PRPF18: variants seen among roughly 807,000 people sequenced by gnomAD.
PRPF18 encodes pre-mRNA-splicing factor 18.
Under a neutral mutation model 46.5 loss-of-function variants are expected in PRPF18, and 38 were observed. The ratio of observed to expected loss-of-function variants is 0.82; its 90% CI spans 0.63 to 1.07. The LOEUF is 1.07. PRPF18 is among the 50% of genes least tolerant of loss of function. The pLI is 0.00. For missense variants in PRPF18, 263 were observed against 410.0 expected (o/e 0.64, Z 3.10); for synonymous variants, 152 against 146.7 (o/e 1.04, Z -0.26).
intron 1 of PRPF18, among the ~76,000 whole-genome samples, chr10:13,592,485 C>A (rs773564217): frequency 4.6e-5 from 7 of 152,194 alleles, no homozygotes; most frequent in Non-Finnish European, 7.3e-5. Flanking sequence ...TTGGTCATTT[C>A]AAGTGGTGTC....
intron 2 of PRPF18, among the ~76,000 whole-genome samples, chr10:13,598,223 T>G (rs1051762618): frequency 5.3e-5 from 8 of 152,152 alleles, no homozygotes; most frequent in African/African-American, 1.9e-4. Context: ...GTGGTTTTAT[T>G]GGGAGGGGTT....
intron 6 of PRPF18, among the ~76,000 whole-genome samples, chr10:13,612,648 T>TA (rs1292859007): frequency 9.2e-4 from 136 of 147,506 alleles, no homozygotes; most frequent in Non-Finnish European, 1.6e-3. Flanking sequence ...TTTTTTTTTT[T>TA]AAGCAAAAGT....
chr10:13,653,940 A>ACTG, the PRPF18 span: 1 of 190,296 alleles, frequency 5.3e-6, no homozygotes, highest in African/African-American at 2.8e-5. Flanking sequence ...GTGTGTTGAG[A>ACTG]AAGAGCAAGT....
chr10:13,638,711 G>T, the PRPF18 span: 9 of 152,108 alleles, frequency 5.9e-5, no homozygotes, highest in African/African-American at 2.2e-4. Flanking sequence ...GCCACCAGTG[G>T]ATTGAATGAT....
chr10:13,626,803 A>T (rs11258482), intron 9 of PRPF18, among the ~76,000 whole-genome samples: 12,189 of 149,774 alleles, frequency 0.081, 540 homozygotes, highest in African/African-American at 0.11. Context: ...GAATCGTGTG[A>T]TTTTTTTTTT....
intron 9 of PRPF18, among the ~76,000 whole-genome samples, chr10:13,619,195 G>A (rs1432069769): frequency 1.3e-5 from 2 of 152,192 alleles, no homozygotes; most frequent in South Asian, 2.1e-4. Context: ...GACTGGCCAC[G>A]GACTAGTGCT....
chr10:13,604,397 G>C (rs2080156571), intron 3 of PRPF18, among the ~76,000 whole-genome samples: 2 of 152,110 alleles, frequency 1.3e-5, no homozygotes, highest in South Asian at 4.1e-4. Context: ...AACCATGTTA[G>C]GGCAATATAT....
chr10:13,654,265 G>C, the PRPF18 span: 2 of 665,408 alleles, frequency 3.0e-6, no homozygotes, highest in Non-Finnish European at 2.7e-6. Flanking sequence ...AGAGGTGACA[G>C]CAGATCATGG....
intron 1 of PRPF18, among the ~76,000 whole-genome samples, chr10:13,588,406 C>CAAAAA (rs79679505): frequency 7.8e-5 from 10 of 128,314 alleles, no homozygotes; most frequent in African/African-American, 2.9e-4. Flanking sequence ...GACACCGTCT[C>CAAAAA]AAAAAAAAAA....
At chr10:13,598,558 C>A (rs970961620) in intron 2 of PRPF18, among the ~76,000 whole-genome samples, 1 of 151,906 alleles carries the variant, frequency 6.6e-6, no homozygotes, top group Non-Finnish European at 1.5e-5. Context: ...TCAAAAGATA[C>A]CAAGAAGTGA....
the PRPF18 span, chr10:13,636,851 T>G: frequency 1.3e-5 from 2 of 152,228 alleles, no homozygotes; most frequent in African/African-American, 4.8e-5. Context: ...GTACAAAGGT[T>G]GTCAGCATAT....
At chr10:13,629,891 A>G (rs571069162) in intron 9 of PRPF18, among the ~76,000 whole-genome samples, 1 of 152,328 alleles carries the variant, frequency 6.6e-6, no homozygotes, top group South Asian at 2.1e-4. Flanking sequence ...TTGGAGCTTA[A>G]TTCTCTATTG....
intron 1 of PRPF18, among the ~76,000 whole-genome samples, chr10:13,595,985 T>G (rs1328195835): frequency 6.6e-6 from 1 of 152,224 alleles, no homozygotes; most frequent in Non-Finnish European, 1.5e-5. Flanking sequence ...TTTGTTAATT[T>G]TATCAGATAC....
intron 4 of PRPF18, among the ~76,000 whole-genome samples, chr10:13,608,052 T>C (rs1472718632): frequency 1.3e-5 from 2 of 152,256 alleles, no homozygotes; most frequent in African/African-American, 4.8e-5. Flanking sequence ...TGTAACAGAC[T>C]ACTCCAAAAC....
In PRPF18 at chr10:13,613,824, G is replaced by T; in HGVS notation, c.663G>T (p.Ala221=). The T allele has an allele frequency of 6.2e-7, 1 of 1,614,042 alleles. No individual in the cohort carries two copies. Among genetic ancestry groups the T allele is most frequent in the South Asian group, 1.1e-5 (1 of 91,056 alleles). Residue 221 remains alanine, a synonymous_variant, in exon 7 of 10, where the codon GCG becomes GCT. Coordinates refer to ENST00000378572, the MANE Select transcript of PRPF18 (RefSeq NM_003675.4). The part of the protein sequence containing the change: ...KRSVQGKLNS[A]TQKQTESYLR... ...GTGTGCAGGGTAAACTGAACAGTGC[G>T]ACCCAGAAACAGACCGAGTCCTACC...
At chr10:13,608,185 G>C (rs2080217198) in intron 4 of PRPF18, among the ~76,000 whole-genome samples, 1 of 152,334 alleles carries the variant, frequency 6.6e-6, no homozygotes. Flanking sequence ...ATAATTACCA[G>C]TTCTGTGGTT....
At chr10:13,650,621 G>T in the PRPF18 span, among the ~76,000 whole-genome samples, 1 of 152,120 alleles carries the variant, frequency 6.6e-6, no homozygotes, top group Non-Finnish European at 1.5e-5. Flanking sequence ...CATCACCCTG[G>T]CACTGGGGCT....
chr10:13,618,953 G>C (rs751781391), intron 9 of PRPF18, among the ~76,000 whole-genome samples: 1 of 152,198 alleles, frequency 6.6e-6, no homozygotes, highest in Non-Finnish European at 1.5e-5. Context: ...TGGTTTCATG[G>C]AAGAGCATTT....
At chr10:13,589,586 A>G (rs1165963573) in intron 1 of PRPF18, among the ~76,000 whole-genome samples, 2 of 152,176 alleles carry the variant, frequency 1.3e-5, no homozygotes, top group Admixed American at 1.3e-4. Context: ...CTTTTCACCT[A>G]CAGTGCAGAT....
Sources: gnomAD v4.1 joint callset for allele counts (sites outside exome capture counted in the v4.1 genomes callset) on GRCh38, gnomAD v4.1.1 for gene constraint, MANE v1.5 for transcripts, NCBI Gene and HGNC (gene_info 2026-07-23, HGNC 2026-07-21) for gene names.